SEMA3C: variants seen among roughly 807,000 people sequenced by gnomAD.
SEMA3C encodes semaphorin-3C.
Under a neutral mutation model 89.4 loss-of-function variants are expected in SEMA3C, and 47 were observed. The observed-to-expected ratio is 0.53, with a 90% CI of 0.42 to 0.67. The LOEUF (loss-of-function observed/expected upper bound fraction) is 0.67. Among genes scored for constraint, SEMA3C ranks in the 30% least tolerant of loss-of-function variants. The probability of loss-of-function intolerance (pLI) is 0.00; values close to 1 mark genes in which losing one functional copy is unlikely to be tolerated. For synonymous variants in SEMA3C, 310 were observed against 320.2 expected, an observed-to-expected ratio of 0.97 and a Z score of 0.34; for missense variants, 839 against 929.1, an observed-to-expected ratio of 0.90 and a Z score of 1.26.
intron 4 of SEMA3C, among the ~76,000 whole-genome samples, chr7:80,822,240 G>A (rs939442188): frequency 6.6e-6 from 1 of 152,078 alleles, no homozygotes; most frequent in African/African-American, 2.4e-5. Flanking sequence ...ATTTTTAAAT[G>A]TACCGTAGAA....
chr7:80,902,550 T>C (rs1485662361), intron 2 of SEMA3C, among the ~76,000 whole-genome samples: 1 of 152,218 alleles, frequency 6.6e-6, no homozygotes, highest in African/African-American at 2.4e-5. Context: ...AAATATTAAA[T>C]TGATCACATA....
chr7:80,884,030 G>A (rs1260107469), intron 2 of SEMA3C, among the ~76,000 whole-genome samples: 1 of 152,000 alleles, frequency 6.6e-6, no homozygotes, highest in Non-Finnish European at 1.5e-5. Context: ...TTCCATTTTG[G>A]CAAAAATACT....
At chr7:80,833,775 T>G (rs1319691504) in intron 2 of SEMA3C, among the ~76,000 whole-genome samples, 1 of 152,156 alleles carries the variant, frequency 6.6e-6, no homozygotes. Flanking sequence ...ACGACCATTT[T>G]TTTTTTTTAG....
chr7:80,774,485 TTAAC>T (rs1190828617), intron 12 of SEMA3C, among the ~76,000 whole-genome samples: 2 of 151,984 alleles, frequency 1.3e-5, no homozygotes, highest in African/African-American at 2.4e-5. Context: ...TTTCAACAAA[TTAAC>T]AGACAGGAAA....
intron 11 of SEMA3C, 106 bp downstream of exon 11, chr7:80,797,986 A>C (rs758396651): frequency 3.1e-5 from 35 of 1,121,968 alleles, no homozygotes; most frequent in Non-Finnish European, 4.1e-5. Flanking sequence ...CAACAGAGTG[A>C]GACTCCGTCT....
chr7:80,818,155 G>A (rs1789655497), intron 5 of SEMA3C, 144 bp downstream of exon 5: 1 of 775,152 alleles, frequency 1.3e-6, no homozygotes, highest in South Asian at 2.9e-5. Context: ...TTGGCAGACA[G>A]GAAAAAATGT....
chr7:80,787,210 G>A (rs1037584088), intron 12 of SEMA3C, among the ~76,000 whole-genome samples: 1 of 151,874 alleles, frequency 6.6e-6, no homozygotes, highest in East Asian at 1.9e-4. Flanking sequence ...TGGCCAACAT[G>A]GTGAAACCCT....
At chr7:80,844,448 A>G (rs1790342333) in intron 2 of SEMA3C, among the ~76,000 whole-genome samples, 1 of 152,140 alleles carries the variant, frequency 6.6e-6, no homozygotes, top group Non-Finnish European at 1.5e-5. Flanking sequence ...TGAGCTTGAC[A>G]CTTACTTGTT....
chr7:80,778,279 T>C (rs1788597670), intron 12 of SEMA3C, among the ~76,000 whole-genome samples: 1 of 152,230 alleles, frequency 6.6e-6, no homozygotes, highest in South Asian at 2.1e-4. Context: ...TCTATTTATA[T>C]TTTAATTTCA....
chr7:80,835,304 T>C (rs1790100391), intron 2 of SEMA3C, among the ~76,000 whole-genome samples: 2 of 152,320 alleles, frequency 1.3e-5, no homozygotes, highest in South Asian at 4.1e-4. Flanking sequence ...TCCTAATTAC[T>C]ATTTCACTGC....
chr7:80,765,379 G>A, intron 12 of SEMA3C, 136 bp from the exon 13 acceptor site: 2 of 594,604 alleles, frequency 3.4e-6, no homozygotes, highest in South Asian at 4.7e-5. Context: ...TTAAGCCACT[G>A]CCATGTGCTG....
intron 2 of SEMA3C, among the ~76,000 whole-genome samples, chr7:80,890,481 C>G (rs1438760505): frequency 6.6e-6 from 1 of 152,164 alleles, no homozygotes; most frequent in Non-Finnish European, 1.5e-5. Context: ...GAAACCACTT[C>G]TAAACAACCA....
At chr7:80,890,622 A>C (rs181906028) in intron 2 of SEMA3C, among the ~76,000 whole-genome samples, 317 of 152,266 alleles carry the variant, frequency 2.1e-3, no homozygotes, top group African/African-American at 7.5e-3. Flanking sequence ...ACTTTCCCCA[A>C]CTGGCTTGAC....
chr7:80,872,783 G>C (rs1373892298), intron 2 of SEMA3C, among the ~76,000 whole-genome samples: 1 of 124,820 alleles, frequency 8.0e-6, no homozygotes, highest in African/African-American at 3.1e-5. Flanking sequence ...CCTGGCAACA[G>C]AGCGAGACTC....
intron 5 of SEMA3C, among the ~76,000 whole-genome samples, chr7:80,815,634 G>T (rs542379447): frequency 7.0e-6 from 1 of 142,108 alleles, no homozygotes; most frequent in Non-Finnish European, 1.5e-5. Flanking sequence ...ATTTATCAAA[G>T]AACTTAATAC....
intron 4 of SEMA3C, among the ~76,000 whole-genome samples, chr7:80,827,132 TCTGCAGGTTGAATC>T (rs1213417920): frequency 6.6e-6 from 1 of 152,082 alleles, no homozygotes; most frequent in Non-Finnish European, 1.5e-5. Context: ...TGCTGAGAAT[TCTGCAGGTTGAATC>T]CACTAGGAAC....
chr7:80,910,203 A>G (rs1255187071), intron 2 of SEMA3C, among the ~76,000 whole-genome samples: 5 of 152,206 alleles, frequency 3.3e-5, no homozygotes, highest in Non-Finnish European at 7.3e-5. Context: ...CCTCCATGCC[A>G]ATTTACTTCA....
chr7:80,760,672 C>T (rs1371304205), intron 14 of SEMA3C, among the ~76,000 whole-genome samples: 2 of 152,132 alleles, frequency 1.3e-5, no homozygotes, highest in Non-Finnish European at 2.9e-5. Flanking sequence ...CACATAAAAC[C>T]TTTACTGTGT....
rs903185765 is a variant in SEMA3C, at chr7:80,898,320, C to T, written c.103+18359G>A. ...AACAGAGGTTGCAGTGAGCCGAGAT[C>T]GCGCCACTGCACTCCAGCCTGGGTG... is the stretch of plus-strand genomic sequence containing the variant. On this transcript the variant is annotated intron_variant, in intron 2 of 17. Coordinates refer to ENST00000265361, the MANE Select transcript of SEMA3C (RefSeq NM_006379.5). Among the ~76,000 whole-genome samples the T allele has an allele frequency of 3.9e-5, 6 of 152,112 alleles. No homozygotes were observed. The East Asian group carries it at 7.7e-4, about 20-fold the overall frequency.
Sources: gnomAD v4.1 joint callset for allele counts (sites outside exome capture counted in the v4.1 genomes callset) on GRCh38, gnomAD v4.1.1 for gene constraint, MANE v1.5 for transcripts, NCBI Gene and HGNC (gene_info 2026-07-23, HGNC 2026-07-21) for gene names.